EPHA6: variants seen among roughly 807,000 people sequenced by gnomAD.
EPHA6 encodes ephrin type-A receptor 6.
Under a neutral mutation model 112.0 loss-of-function variants are expected in EPHA6, and 50 were observed. The ratio of observed to expected loss-of-function variants is 0.45; its 90% CI spans 0.36 to 0.56. EPHA6 has a LOEUF of 0.56. EPHA6 is among the 20% of genes least tolerant of loss of function. EPHA6 has a pLI of 0.00. For synonymous variants in EPHA6, 529 were observed against 490.7 expected (o/e 1.08, Z -1.03); for missense variants, 1,280 against 1,417.4 (o/e 0.90, Z 1.56).
intron 7 of EPHA6, chr3:97,466,281 C>A: frequency 7.7e-7 from 1 of 1,304,860 alleles, no homozygotes; most frequent in South Asian, 1.2e-5. Context: ...AGATAGAAAA[C>A]ATTCCCCTCA....
chr3:97,495,143 C>T (rs1424713356), intron 10 of EPHA6, among the ~76,000 whole-genome samples: 3 of 152,078 alleles, frequency 2.0e-5, no homozygotes, highest in African/African-American at 4.8e-5. Flanking sequence ...TTATCCCCAG[C>T]GGTCTTTCTC....
intron 3 of EPHA6, among the ~76,000 whole-genome samples, chr3:97,023,972 A>C (rs1199540694): frequency 6.6e-6 from 1 of 152,184 alleles, no homozygotes; most frequent in Non-Finnish European, 1.5e-5. Flanking sequence ...CACAGAATTC[A>C]CAATCTCCGT....
chr3:97,027,606 T>A (rs558584943), intron 3 of EPHA6, among the ~76,000 whole-genome samples: 2 of 152,300 alleles, frequency 1.3e-5, no homozygotes, highest in South Asian at 4.1e-4. Context: ...TGCTAAGAAT[T>A]GGCATGAATA....
intron 1 of EPHA6, among the ~76,000 whole-genome samples, chr3:96,864,622 G>A (rs901081265): frequency 3.9e-5 from 6 of 151,992 alleles, no homozygotes; most frequent in South Asian, 2.1e-4. Context: ...TGTAGCCATG[G>A]TTCCATGGAT....
chr3:97,179,348 A>G (rs1344346171), intron 3 of EPHA6, among the ~76,000 whole-genome samples: 1 of 151,974 alleles, frequency 6.6e-6, no homozygotes, highest in African/African-American at 2.4e-5. Context: ...GAAAAGTCAT[A>G]TATCTCTATT....
intron 3 of EPHA6, 95 bp from the exon 4 acceptor site, chr3:97,226,166 AGAT>A: frequency 1.1e-6 from 1 of 934,636 alleles, no homozygotes; most frequent in Non-Finnish European, 1.5e-6. Context: ...CTGTACTCTG[AGAT>A]CCAATGTGAA....
At chr3:97,142,043 TC>T (rs1173618892) in intron 3 of EPHA6, among the ~76,000 whole-genome samples, 3 of 152,006 alleles carry the variant, frequency 2.0e-5, no homozygotes, top group Non-Finnish European at 4.4e-5. Flanking sequence ...TTTATAGTGT[TC>T]TGTTTTTAGT....
chr3:97,318,167 CG>C (rs2081935330), intron 5 of EPHA6, among the ~76,000 whole-genome samples: 1 of 151,820 alleles, frequency 6.6e-6, no homozygotes, highest in Admixed American at 6.6e-5. Flanking sequence ...AACATTTTAA[CG>C]TTAAAGTCCA....
chr3:97,483,957 T>TA lies in EPHA6; in HGVS notation c.2099dup (p.Tyr700Ter), dbSNP rs1405185457. The TA allele has an allele frequency of 1.2e-6, 2 of 1,601,290 alleles. No individual in the cohort carries two copies. The highest frequency in any genetic ancestry group is 1.7e-6 in the Non-Finnish European group (2 of 1,174,784). Residue 700 changes from tyrosine to a stop codon, truncating the protein, a stop_gained and frameshift_variant, in exon 10 of 18, where the codon TAC becomes TAAC. Transcript: ENST00000389672. LOFTEE classifies it high-confidence loss of function. ...GHLRFPGIKT[Y>*]IDPDTYEDPS... Reference sequence around the variant, plus strand: ...AGTGCGCTTCCCGGGAATTAAAACTTACATTGATCCAGATACATATGAAGA... The same window carrying TA: ...AGTGCGCTTCCCGGGAATTAAAACTTAACATTGATCCAGATACATATGAAGA...
At chr3:97,193,671 T>C (rs189510706) in intron 3 of EPHA6, among the ~76,000 whole-genome samples, 2 of 152,080 alleles carry the variant, frequency 1.3e-5, no homozygotes, top group Non-Finnish European at 2.9e-5. Flanking sequence ...TGCAGTATTA[T>C]GTTCAGTAAC....
At chr3:97,603,141 A>G (rs746002817) in intron 12 of EPHA6, among the ~76,000 whole-genome samples, 1 of 152,062 alleles carries the variant, frequency 6.6e-6, no homozygotes, top group Non-Finnish European at 1.5e-5. Context: ...ATCTTATAGT[A>G]AAAACAATCC....
At chr3:97,595,809 T>C (rs982706228) in intron 12 of EPHA6, among the ~76,000 whole-genome samples, 3 of 151,944 alleles carry the variant, frequency 2.0e-5, no homozygotes, top group African/African-American at 7.2e-5. Flanking sequence ...TAAAGGAAAG[T>C]CTTCCTCCAC....
chr3:97,620,407 A>G (rs2093804286), intron 13 of EPHA6, among the ~76,000 whole-genome samples: 1 of 152,100 alleles, frequency 6.6e-6, no homozygotes, highest in Non-Finnish European at 1.5e-5. Flanking sequence ...AAAAGTAAAA[A>G]TGGACAAATA....
intron 2 of EPHA6, among the ~76,000 whole-genome samples, chr3:96,953,761 C>A (rs374668370): frequency 6.6e-6 from 1 of 152,130 alleles, no homozygotes; most frequent in African/African-American, 2.4e-5. Context: ...TCTCTTATAC[C>A]CCATATTCAA....
chr3:97,287,335 G>A (rs1176142767), intron 5 of EPHA6, among the ~76,000 whole-genome samples: 1 of 151,956 alleles, frequency 6.6e-6, no homozygotes, highest in Non-Finnish European at 1.5e-5. Context: ...TTAGCTGCAG[G>A]TTTGTCACAA....
chr3:97,554,912 C>A (rs1302436217), intron 11 of EPHA6, among the ~76,000 whole-genome samples: 1 of 151,698 alleles, frequency 6.6e-6, no homozygotes, highest in Non-Finnish European at 1.5e-5. Context: ...AAGGGCTCAC[C>A]TGTGAGTGTG....
chr3:97,042,233 A>C (rs1209483037), intron 3 of EPHA6, among the ~76,000 whole-genome samples: 2 of 151,856 alleles, frequency 1.3e-5, no homozygotes, highest in Non-Finnish European at 2.9e-5. Context: ...AGTTCTTAGG[A>C]GATCTGGTCG....
intron 2 of EPHA6, among the ~76,000 whole-genome samples, chr3:96,925,039 C>T (rs2039963587): frequency 6.6e-6 from 1 of 152,070 alleles, no homozygotes; most frequent in African/African-American, 2.4e-5. Flanking sequence ...ATTCGGTTTG[C>T]CAATATTTTA....
intron 1 of EPHA6, among the ~76,000 whole-genome samples, chr3:96,819,070 A>C (rs2033041778): frequency 6.6e-6 from 1 of 151,988 alleles, no homozygotes; most frequent in African/African-American, 2.4e-5. Flanking sequence ...GGATAATACT[A>C]TATCTAAAAG....
Sources: gnomAD v4.1 joint callset for allele counts (sites outside exome capture counted in the v4.1 genomes callset) on GRCh38, gnomAD v4.1.1 for gene constraint, MANE v1.5 for transcripts, NCBI Gene and HGNC (gene_info 2026-07-23, HGNC 2026-07-21) for gene names.